The following DNMT1 variants were observed in gnomAD, a reference collection of about 807,000 sequenced individuals.
DNMT1 encodes the protein DNA methyltransferase 1.
A neutral mutation model predicts 205.3 loss-of-function variants in DNMT1; 24 were observed. The ratio of observed to expected loss-of-function variants is 0.12; its 90% CI spans 0.08 to 0.16. The LOEUF (loss-of-function observed/expected upper bound fraction) is 0.16. Ranked by LOEUF, DNMT1 falls within the 10% of genes least tolerant of loss-of-function variation. The pLI is 1.00. For synonymous variants in DNMT1, 817 were observed against 839.8 expected (o/e 0.97, Z 0.47); for missense variants, 1,293 against 2,177.7 (o/e 0.59, Z 8.09).
chr19:10,151,689 A>G lies in DNMT1; in HGVS notation c.2117+61T>C, dbSNP rs1212629121. 26 of 1,609,198 alleles carry G rather than the reference A, an allele frequency of 1.6e-5. No individual in the cohort carries two copies. Among genetic ancestry groups the G allele is most frequent in the Non-Finnish European group, 2.1e-5 (25 of 1,176,026 alleles). On this transcript the variant is annotated intron_variant, in intron 23 of 40. Transcript: ENST00000359526. The surrounding 1 kb of genome is among the most constrained non-coding windows in gnomAD (Gnocchi z 5.0). ...CCCACACATGCAGGCCCTTCTCCACAGTGCATCTGCCACCAGCTGGCAAGT... is the reference window on the plus strand; with the variant it reads ...CCCACACATGCAGGCCCTTCTCCACGGTGCATCTGCCACCAGCTGGCAAGT...
At chr19:10,187,024 G>C (rs1226939756) in intron 1 of DNMT1, among the ~76,000 whole-genome samples, 1 of 151,872 alleles carries the variant, frequency 6.6e-6, no homozygotes. Context: ...GCTGGTTCTG[G>C]AAACACACAA....
At chr19:10,144,190 A>G in intron 28 of DNMT1, 1 of 612,480 alleles carries the variant, frequency 1.6e-6, no homozygotes, top group South Asian at 1.7e-5. Flanking sequence ...CAGGTGGACC[A>G]CAAGGTCAGA....
chr19:10,186,239 C>G (rs1384082700), intron 1 of DNMT1, among the ~76,000 whole-genome samples: 1 of 152,130 alleles, frequency 6.6e-6, no homozygotes. Context: ...AATAGAGAAA[C>G]CTTCAAAACC....
At chr19:10,139,873 G>A (rs770332781) in intron 33 of DNMT1, 56 bp from the exon 34 acceptor site, 39 of 1,557,436 alleles carry the variant, frequency 2.5e-5, no homozygotes, top group Admixed American at 3.9e-5. Context: ...GGGAAGAAAC[G>A]ACCCACTGTG....
chr19:10,189,031 A>G (rs1291336466), intron 1 of DNMT1, among the ~76,000 whole-genome samples: 2 of 152,210 alleles, frequency 1.3e-5, no homozygotes, highest in Non-Finnish European at 1.5e-5. Context: ...TGACCTGCAT[A>G]AGGTAATAAA....
intron 24 of DNMT1, 61 bp from the exon 25 acceptor site, chr19:10,150,029 T>A: frequency 7.1e-7 from 1 of 1,404,134 alleles, no homozygotes; most frequent in South Asian, 1.2e-5. Flanking sequence ...GGCCTTGACT[T>A]GCATGGTCCT....
chr19:10,192,979 G>A (rs1435312371), intron 1 of DNMT1, among the ~76,000 whole-genome samples: 2 of 152,040 alleles, frequency 1.3e-5, no homozygotes, highest in South Asian at 4.2e-4. Context: ...CCCTGAAAGT[G>A]GAGGTTGCAG....
In DNMT1 at chr19:10,154,713, G is replaced by A; in HGVS notation, c.1705C>T (p.His569Tyr). The A allele has an allele frequency of 6.2e-7, 1 of 1,614,256 alleles. No individual in the cohort carries two copies. The highest frequency in any genetic ancestry group is 8.5e-7 in the Non-Finnish European group (1 of 1,180,058). Residue 569 changes from histidine to tyrosine, a missense_variant, in exon 21 of 41, where the codon CAC becomes TAC. Physicochemically the swap from His to Tyr is moderately conservative, Grantham distance 83. Around this residue, in one of 13 missense-constraint regions of DNMT1, gnomAD observed 120 missense variants for 315.9 expected, o/e 0.38. Coordinates refer to ENST00000359526, the MANE Select transcript of DNMT1 (RefSeq NM_001130823.3). This position sits in a 1 kb window ranked among gnomAD's most constrained non-coding sequence, Gnocchi z 6.3. ...NRFTEDSLLR[H>Y]AQFVVEQVES... ...ACCTGCTCCACCACAAACTGCGCGT[G>A]TCGCAGGAGGGAGTCCTCTGTGAAG...
intron 38 of DNMT1, 78 bp from the exon 39 acceptor site, chr19:10,135,930 ACT>A: frequency 6.6e-7 from 1 of 1,504,558 alleles, no homozygotes. Flanking sequence ...GGGAAATGGC[ACT>A]GTGACAGCAT....
chr19:10,136,100 G>C, intron 38 of DNMT1, 21 bp downstream of exon 38: 1 of 1,613,730 alleles, frequency 6.2e-7, no homozygotes, highest in Non-Finnish European at 8.5e-7. Flanking sequence ...CCAGGCCCTC[G>C]GATGCCCCCT....
intron 27 of DNMT1, among the ~76,000 whole-genome samples, chr19:10,147,511 T>C (rs937568646): frequency 1.3e-5 from 2 of 151,902 alleles, no homozygotes; most frequent in African/African-American, 4.8e-5. Context: ...CTTGGGAAGC[T>C]GAGGCAGGAG....
At chr19:10,134,610 T>C (rs984859474) in intron 39 of DNMT1, among the ~76,000 whole-genome samples, 5 of 152,142 alleles carry the variant, frequency 3.3e-5, no homozygotes, top group African/African-American at 1.2e-4. Flanking sequence ...TCCCAGCACT[T>C]TGGGAGGCCA....
intron 5 of DNMT1, among the ~76,000 whole-genome samples, chr19:10,178,391 T>C (rs1040358322): frequency 3.9e-5 from 6 of 152,050 alleles, no homozygotes; most frequent in Non-Finnish European, 8.8e-5. Context: ...ACCCTGTCTC[T>C]ACTAAAAATA....
intron 33 of DNMT1, 109 bp downstream of exon 33, chr19:10,139,937 G>A (rs1599346096): frequency 6.3e-7 from 1 of 1,590,532 alleles, no homozygotes; most frequent in Admixed American, 1.7e-5. Flanking sequence ...GAGCTGAGCT[G>A]TGAGCTTCCG....
In DNMT1 at chr19:10,162,927, C is replaced by T. The variant is rs565910210; in HGVS notation, c.927-179G>A. ...CGAGGCCTTCAGAGGCCCCAGGGTC[C>T]CCACACATCTACATCACCACAGGTT... On this transcript the variant is annotated intron_variant, in intron 12 of 40. Coordinates refer to ENST00000359526, the MANE Select transcript of DNMT1 (RefSeq NM_001130823.3). 1.2e-5 allele frequency: 8 copies of T among 667,576 alleles called. No individual in the cohort carries two copies. The African/African-American group carries it at 1.5e-4, about 12-fold the overall frequency. 41.4% of individuals were successfully genotyped at this position (667,576 alleles called of 1,614,324 possible).
In DNMT1 at chr19:10,137,104, C is replaced by T. The variant is rs566277834; in HGVS notation, c.4470G>A (p.Gly1490=). 2 of 1,612,246 alleles carry T rather than the reference C, an allele frequency of 1.2e-6. No homozygotes were observed. Among genetic ancestry groups the T allele is most frequent in the South Asian group, 1.1e-5 (1 of 90,692 alleles). The change falls in exon 37 of 41, where the codon GGG becomes GGA. Residue 1490 remains glycine, a synonymous_variant. Coordinates refer to ENST00000359526, the MANE Select transcript of DNMT1 (RefSeq NM_001130823.3). This position sits in a 1 kb window ranked among gnomAD's most constrained non-coding sequence, Gnocchi z 6.4. The part of the protein sequence containing the change: ...NGRSSSGALR[G]VCSCVEAGKA... ...ACCCACCTTCCACGCAGGAGCAGAC[C>T]CCACGGAGGGCCCCAGAGCTGCTGC...
At position 10,146,357 on chromosome 19, in the gene DNMT1, G is replaced by A. The variant is rs754990148; in HGVS notation, c.2888C>T (p.Thr963Met). The A allele has an allele frequency of 7.4e-6, 12 of 1,613,874 alleles. No homozygotes were observed. Among genetic ancestry groups the A allele is most frequent in the Middle Eastern group, 3.3e-4 (2 of 6,076 alleles). ...GCTCCGAGGGGGCACTTACTTGAAC[G>A]TGAAGGCCTCAGGGGGCAGGTACAC... ...DGVYLPPEAF[T>M]FNIKLSSPVK... Residue 963 changes from threonine (T) to methionine (M), a missense_variant, in exon 28 of 41, where the codon ACG (threonine) becomes ATG (methionine). Coordinates refer to ENST00000359526, the MANE Select transcript of DNMT1 (RefSeq NM_001130823.3). The surrounding 1 kb of genome is among the most constrained non-coding windows in gnomAD (Gnocchi z 4.4).
chr19:10,142,202 C>G lies in DNMT1; in HGVS notation c.3135G>C (p.Lys1045Asn). ...CTGCGTGGTAGCTCGCTGGAGTGGA[C>G]TTGTGGGTGTTCTCAGGCCTGCGAG... The part of the protein sequence containing the change: ...NKFYRPENTH[K>N]STPASYHADI... The change falls in exon 30 of 41, where the codon AAG (lysine) becomes AAC (asparagine). Residue 1045 changes from lysine (K) to asparagine (N), a missense_variant. Coordinates refer to ENST00000359526, the MANE Select transcript of DNMT1 (RefSeq NM_001130823.3). The G allele has an allele frequency of 1.9e-6, 3 of 1,614,016 alleles. No individual in the cohort carries two copies. Among genetic ancestry groups the G allele is most frequent in the Non-Finnish European group, 2.5e-6 (3 of 1,180,038 alleles).
At chr19:10,171,407 C>T (rs891874384) in intron 9 of DNMT1, among the ~76,000 whole-genome samples, 1 of 152,028 alleles carries the variant, frequency 6.6e-6, no homozygotes, top group Non-Finnish European at 1.5e-5. Flanking sequence ...TGTGGTGGCT[C>T]GTGCCTGTAA....
Sources: gnomAD v4.1 joint callset for allele counts (sites outside exome capture counted in the v4.1 genomes callset) on GRCh38, gnomAD v4.1.1 for gene constraint, gnomAD v4.1.1 regional missense constraint, Gnocchi (gnomAD v3.1) non-coding constraint, MANE v1.5 for transcripts, NCBI Gene and HGNC (gene_info 2026-07-23, HGNC 2026-07-21) for gene names.